ZNF385D: variants seen among roughly 807,000 people sequenced by gnomAD.
The protein encoded by ZNF385D is zinc finger protein 659.
ZNF385D carries 15 observed loss-of-function variants against 35.8 expected under a neutral mutation model. The ratio of observed to expected loss-of-function variants is 0.42; its 90% CI spans 0.28 to 0.64. The LOEUF is 0.64. ZNF385D is among the 30% of genes least tolerant of loss of function. ZNF385D has a pLI of 0.23. For synonymous variants in ZNF385D, 212 were observed against 186.8 expected (o/e 1.13, Z -1.10); for missense variants, 474 against 494.6 (o/e 0.96, Z 0.39).
chr3:22,093,478 T>C (rs1701436262), intron 3 of ZNF385D, among the ~76,000 whole-genome samples: 1 of 152,076 alleles, frequency 6.6e-6, no homozygotes, highest in South Asian at 2.1e-4. Flanking sequence ...GAACAAAATT[T>C]ATCTTTCACA....
intron 3 of ZNF385D, among the ~76,000 whole-genome samples, chr3:21,900,053 G>C (rs1394559863): frequency 6.6e-6 from 1 of 152,148 alleles, no homozygotes; most frequent in South Asian, 2.1e-4. Context: ...TTGAGAAACT[G>C]CACTAAGAGT....
At chr3:21,752,695 T>C (rs929858347), upstream of ZNF385D, among the ~76,000 whole-genome samples, 1 of 152,220 alleles carries the variant, frequency 6.6e-6, no homozygotes, top group Non-Finnish European at 1.5e-5. Context: ...GCTGTTCTTT[T>C]AGAAATACTC....
chr3:22,266,153 A>G (rs761528882), intron 2 of ZNF385D, among the ~76,000 whole-genome samples: 4 of 151,904 alleles, frequency 2.6e-5, no homozygotes. Flanking sequence ...AATTTAAAGA[A>G]TTACTCTTTC....
chr3:22,200,139 G>A (rs1447251548), intron 2 of ZNF385D, among the ~76,000 whole-genome samples: 1 of 152,082 alleles, frequency 6.6e-6, no homozygotes, highest in Non-Finnish European at 1.5e-5. Context: ...AGGGCCATAG[G>A]ATAATTTACA....
intron 3 of ZNF385D, among the ~76,000 whole-genome samples, chr3:21,783,123 T>C (rs1448778933): frequency 6.6e-6 from 1 of 152,174 alleles, no homozygotes; most frequent in East Asian, 1.9e-4. Context: ...AGGAGGCTAA[T>C]ACAATATTTC....
chr3:21,681,310 A>AG (rs2066896612), intron 1 of ZNF385D, among the ~76,000 whole-genome samples: 1 of 148,410 alleles, frequency 6.7e-6, no homozygotes, highest in Non-Finnish European at 1.5e-5. Context: ...AAAAAAAAAA[A>AG]AAAAAAAAAA....
In ZNF385D at chr3:21,423,962, C is replaced by T; in HGVS notation, c.954+1G>A. The T allele has an allele frequency of 1.2e-6, 2 of 1,606,334 alleles. No individual in the cohort carries two copies. Among genetic ancestry groups the T allele is most frequent in the Non-Finnish European group, 1.7e-6 (2 of 1,177,364 alleles). ...CTGGACTCTTGCAAAATGACACTCA[C>T]CCCCAGTGGATGTGCTGTCTTCTGT... On this transcript the variant is annotated splice_donor_variant, in intron 7 of 7. Coordinates refer to ENST00000281523, the MANE Select transcript of ZNF385D (RefSeq NM_024697.3). LOFTEE classifies it high-confidence loss of function.
At chr3:21,762,175 T>C (rs2070647597) in intron 3 of ZNF385D, among the ~76,000 whole-genome samples, 1 of 151,942 alleles carries the variant, frequency 6.6e-6, no homozygotes, top group Non-Finnish European at 1.5e-5. Flanking sequence ...CTGTGCTCAG[T>C]CTGTCTTCCC....
chr3:21,790,361 A>G (rs1431187930), intron 3 of ZNF385D, among the ~76,000 whole-genome samples: 1 of 152,222 alleles, frequency 6.6e-6, no homozygotes, highest in Non-Finnish European at 1.5e-5. Context: ...ATCAAATTAT[A>G]CAAAAGGGAA....
intron 2 of ZNF385D, among the ~76,000 whole-genome samples, chr3:21,586,515 T>TATTG (rs1221418059): frequency 2.0e-5 from 3 of 152,208 alleles, no homozygotes; most frequent in African/African-American, 7.2e-5. Flanking sequence ...GAATATTCTA[T>TATTG]ATTGATTGTA....
At chr3:21,452,054 T>C (rs969046029) in intron 4 of ZNF385D, among the ~76,000 whole-genome samples, 1 of 152,082 alleles carries the variant, frequency 6.6e-6, no homozygotes, top group East Asian at 1.9e-4. Flanking sequence ...ATATATTCAA[T>C]TTTGGACTAA....
intron 3 of ZNF385D, among the ~76,000 whole-genome samples, chr3:22,151,970 C>G (rs1259712995): frequency 6.6e-6 from 1 of 152,086 alleles, no homozygotes; most frequent in South Asian, 2.1e-4. Flanking sequence ...GCCTAGTACT[C>G]AGTAGTAATT....
At chr3:21,815,737 A>C (rs544888716) in intron 3 of ZNF385D, among the ~76,000 whole-genome samples, 1 of 152,340 alleles carries the variant, frequency 6.6e-6, no homozygotes, top group South Asian at 2.1e-4. Context: ...TCACAGCTGA[A>C]TTCTACCAGA....
At chr3:22,235,709 A>C (rs1699141183) in intron 2 of ZNF385D, among the ~76,000 whole-genome samples, 1 of 152,242 alleles carries the variant, frequency 6.6e-6, no homozygotes, top group Non-Finnish European at 1.5e-5. Flanking sequence ...GAAAATCAAA[A>C]TACTTTGCAG....
At chr3:22,209,634 T>C (rs1250908986) in intron 2 of ZNF385D, among the ~76,000 whole-genome samples, 2 of 151,890 alleles carry the variant, frequency 1.3e-5, no homozygotes, top group Non-Finnish European at 2.9e-5. Context: ...TCATTTCATA[T>C]GAAATACCTT....
chr3:21,430,720 C>A (rs1701255886), intron 5 of ZNF385D, among the ~76,000 whole-genome samples: 2 of 152,100 alleles, frequency 1.3e-5, no homozygotes, highest in African/African-American at 4.8e-5. Context: ...TATATGCACC[C>A]ATTTCTTCTC....
chr3:21,988,552 A>G (rs903850264), intron 3 of ZNF385D, among the ~76,000 whole-genome samples: 1 of 149,484 alleles, frequency 6.7e-6, no homozygotes, highest in African/African-American at 2.4e-5. Context: ...GCATGCTGGG[A>G]GAACCACTGC....
At chr3:21,701,325 A>G (rs1171171735) in intron 1 of ZNF385D, among the ~76,000 whole-genome samples, 2 of 152,108 alleles carry the variant, frequency 1.3e-5, no homozygotes, top group African/African-American at 2.4e-5. Flanking sequence ...AGGAAGAAGC[A>G]AAAGAGGAAA....
At chr3:21,666,521 C>T (rs891316671) in intron 1 of ZNF385D, among the ~76,000 whole-genome samples, 1 of 152,130 alleles carries the variant, frequency 6.6e-6, no homozygotes, top group African/African-American at 2.4e-5. Flanking sequence ...TAGTACAAGG[C>T]AGTAAATAAA....
Sources: gnomAD v4.1 joint callset for allele counts (sites outside exome capture counted in the v4.1 genomes callset) on GRCh38, gnomAD v4.1.1 for gene constraint, MANE v1.5 for transcripts, NCBI Gene and HGNC (gene_info 2026-07-23, HGNC 2026-07-21) for gene names.